NAALADL2: variants seen among roughly 807,000 people sequenced by gnomAD.
NAALADL2 encodes N-acetylated alpha-linked acidic dipeptidase like 2, also known as inactive N-acetylated-alpha-linked acidic dipeptidase-like protein 2.
Under a neutral mutation model 87.2 loss-of-function variants are expected in NAALADL2, and 76 were observed. That is an observed-to-expected ratio of 0.87 (90% confidence interval 0.72 to 1.05). The LOEUF (loss-of-function observed/expected upper bound fraction) is 1.05. NAALADL2 is among the 50% of genes least tolerant of loss of function. The pLI is 0.00. For synonymous variants in NAALADL2, 354 were observed against 331.0 expected (o/e 1.07, Z -0.75); for missense variants, 1,089 against 945.8 (o/e 1.15, Z -1.99).
intron 10 of NAALADL2, among the ~76,000 whole-genome samples, chr3:175,603,948 G>A (rs9824560): frequency 0.032 from 4,880 of 152,090 alleles, 257 homozygotes; most frequent in African/African-American, 0.11. Context: ...AACTATGATT[G>A]CACCACTGCC....
rs1270911941 is a variant in NAALADL2, at chr3:175,070,051, T to C, written c.44-26739T>C. Reference sequence around the variant, plus strand: ...GGGGGAGGGATAGCTTTAGGAGATATACCTAATGCTAAATGACGAGTTAAT... The same window carrying C: ...GGGGGAGGGATAGCTTTAGGAGATACACCTAATGCTAAATGACGAGTTAAT... On this transcript the variant is annotated intron_variant, in intron 1 of 13. Transcript: ENST00000454872. Among the ~76,000 whole-genome samples the C allele has an allele frequency of 5.0e-4, 72 of 144,440 alleles. 1 individual carries two copies. Among genetic ancestry groups the C allele is most frequent in the African/African-American group, 1.6e-3 (65 of 39,516 alleles). 94.8% of individuals were successfully genotyped at this position (144,440 alleles called of 152,430 possible). A position where few individuals can be genotyped will look rare whatever the true frequency, so the allele number is the denominator to read the frequency against.
chr3:175,112,681 T>C (rs191797576), intron 2 of NAALADL2: 2 of 151,700 alleles, frequency 1.3e-5, no homozygotes, highest in African/African-American at 2.4e-5. Flanking sequence ...TTAAAACATA[T>C]TGAATGCCTA....
chr3:174,709,625 C>A (rs1034114935), intron 2 of NAALADL2, among the ~76,000 whole-genome samples: 1 of 151,948 alleles, frequency 6.6e-6, no homozygotes, highest in African/African-American at 2.4e-5. Context: ...TTTCATAAAC[C>A]TAATTTATCA....
intron 1 of NAALADL2, among the ~76,000 whole-genome samples, chr3:174,999,785 T>G (rs1747986964): frequency 6.6e-6 from 1 of 152,192 alleles, no homozygotes; most frequent in Non-Finnish European, 1.5e-5. Context: ...TTAAAGTTAT[T>G]AAACTTCTCA....
chr3:175,236,627 T>C (rs973009043), intron 3 of NAALADL2, among the ~76,000 whole-genome samples: 4 of 151,640 alleles, frequency 2.6e-5, no homozygotes, highest in African/African-American at 9.7e-5. Context: ...TTCTGATTCA[T>C]ACTCACTACC....
chr3:175,323,631 A>G (rs1050667837), intron 4 of NAALADL2, among the ~76,000 whole-genome samples: 16 of 150,954 alleles, frequency 1.1e-4, no homozygotes, highest in Admixed American at 6.6e-4. Flanking sequence ...CATTATAGCA[A>G]TGCTGGTAGA....
intron 1 of NAALADL2, among the ~76,000 whole-genome samples, chr3:174,498,650 T>C (rs1365239637): frequency 1.3e-5 from 2 of 150,976 alleles, no homozygotes; most frequent in African/African-American, 4.8e-5. Context: ...TATATGTTTA[T>C]CTTTTAAATG....
intron 1 of NAALADL2, among the ~76,000 whole-genome samples, chr3:174,461,844 C>T (rs934404728): frequency 1.3e-5 from 2 of 151,930 alleles, no homozygotes; most frequent in African/African-American, 4.8e-5. Context: ...TGTGTGTATG[C>T]ATGTGAATGT....
chr3:175,409,982 T>C (rs1170347905), intron 5 of NAALADL2, among the ~76,000 whole-genome samples: 2 of 152,104 alleles, frequency 1.3e-5, no homozygotes, highest in African/African-American at 2.4e-5. Flanking sequence ...GTAGATATTA[T>C]TTAAAAGTAG....
intron 2 of NAALADL2, among the ~76,000 whole-genome samples, chr3:175,232,208 CA>C (rs2109460975): frequency 8.8e-6 from 1 of 113,860 alleles, no homozygotes; most frequent in Non-Finnish European, 1.9e-5. Flanking sequence ...AGAAGAAGAA[CA>C]AGAAGAGAAG....
chr3:175,425,644 G>C (rs1397700824), intron 5 of NAALADL2, among the ~76,000 whole-genome samples: 1 of 152,130 alleles, frequency 6.6e-6, no homozygotes, highest in Non-Finnish European at 1.5e-5. Context: ...TAAGATAAGA[G>C]AGTAAAAGAA....
At chr3:174,718,320 C>A (rs1434648512) in intron 2 of NAALADL2, among the ~76,000 whole-genome samples, 2 of 152,062 alleles carry the variant, frequency 1.3e-5, no homozygotes, top group Non-Finnish European at 2.9e-5. Context: ...TGATTGAAGA[C>A]CATTCTGCAA....
At chr3:175,041,948 T>C (rs1245259237) in intron 1 of NAALADL2, among the ~76,000 whole-genome samples, 1 of 152,164 alleles carries the variant, frequency 6.6e-6, no homozygotes, top group Non-Finnish European at 1.5e-5. Flanking sequence ...GAACAGTTAA[T>C]ACCTGCTCTT....
At chr3:175,072,159 A>G (rs1485506601) in intron 1 of NAALADL2, among the ~76,000 whole-genome samples, 4 of 152,188 alleles carry the variant, frequency 2.6e-5, no homozygotes, top group Admixed American at 6.6e-5. Flanking sequence ...AAAGAGTTCT[A>G]CAAGCTTTAC....
intron 1 of NAALADL2, among the ~76,000 whole-genome samples, chr3:174,923,876 T>C (rs1381813004): frequency 6.6e-6 from 1 of 152,102 alleles, no homozygotes; most frequent in Non-Finnish European, 1.5e-5. Context: ...TTTGGGTAGT[T>C]CATCAGTTCA....
chr3:174,795,319 T>A (rs1182870630), intron 3 of NAALADL2, among the ~76,000 whole-genome samples: 1 of 152,022 alleles, frequency 6.6e-6, no homozygotes, highest in African/African-American at 2.4e-5. Flanking sequence ...ATTTTTAATA[T>A]GATTATTTAA....
At chr3:175,191,260 A>T (rs6776394) in intron 2 of NAALADL2, among the ~76,000 whole-genome samples, 4,705 of 152,144 alleles carry the variant, frequency 0.031, 202 homozygotes, top group African/African-American at 0.1. Context: ...TTATTTTTTT[A>T]AAAAATCCCA....
chr3:174,843,804 C>T (rs540959022), intron 3 of NAALADL2, among the ~76,000 whole-genome samples: 33 of 151,830 alleles, frequency 2.2e-4, no homozygotes, highest in Admixed American at 1.1e-3. Context: ...TTTTCATTTA[C>T]CTTTGGATAT....
At chr3:175,209,322 C>T (rs919397887) in intron 2 of NAALADL2, among the ~76,000 whole-genome samples, 1 of 152,040 alleles carries the variant, frequency 6.6e-6, no homozygotes, top group African/African-American at 2.4e-5. Flanking sequence ...GGAAGTGATG[C>T]TATATTCCGT....
Sources: gnomAD v4.1 joint callset for allele counts (sites outside exome capture counted in the v4.1 genomes callset) on GRCh38, gnomAD v4.1.1 for gene constraint, MANE v1.5 for transcripts, NCBI Gene and HGNC (gene_info 2026-07-23, HGNC 2026-07-21) for gene names.